Variants in NBAS observed in about 807,000 individuals in gnomAD.
NBAS encodes the protein NAG/BC035112 fusion.
A neutral mutation model predicts 302.5 loss-of-function variants in NBAS; 219 were observed. That is an observed-to-expected ratio of 0.72 (90% CI 0.65 to 0.81). The LOEUF (loss-of-function observed/expected upper bound fraction) is 0.81. Ranked by LOEUF, NBAS falls within the 30% of genes least tolerant of loss-of-function variation. The pLI, the probability that NBAS is intolerant of heterozygous loss-of-function variation, is 0.00. For synonymous variants in NBAS, 1,118 were observed against 1,021.6 expected (o/e 1.09, Z -1.80); for missense variants, 2,932 against 2,841.6 (o/e 1.03, Z -0.72).
the NBAS span, among the ~76,000 whole-genome samples, chr2:14,905,818 T>C: frequency 0.34 from 51,715 of 152,034 alleles, 10,247 homozygotes; most frequent in African/African-American, 0.56. Context: ...CTTCATTATG[T>C]AAATCCCATC....
chr2:15,410,279 A>G (rs1676620248), intron 25 of NBAS, among the ~76,000 whole-genome samples: 1 of 152,196 alleles, frequency 6.6e-6, no homozygotes, highest in Non-Finnish European at 1.5e-5. Flanking sequence ...AAGTTTGTGA[A>G]TTCTATCATC....
At chr2:15,082,732 T>A in the NBAS span, among the ~76,000 whole-genome samples, 1 of 152,146 alleles carries the variant, frequency 6.6e-6, no homozygotes, top group Non-Finnish European at 1.5e-5. Context: ...GCTACAAAGA[T>A]CATAAGAACT....
Position 15,415,570 on chromosome 2 carries a change from C to T in NBAS, c.2913G>A (p.Lys971=), listed in dbSNP as rs1676887759. The part of the protein sequence containing the change: ...LAKGDLKFPL[K]IFQHSKPDLQ... ...CATCTGGTTTGGAATGCTGAAATATCTTCAGGGGAAATTTTAAGTCCCCTT... is the reference window on the plus strand; with the variant it reads ...CATCTGGTTTGGAATGCTGAAATATTTTCAGGGGAAATTTTAAGTCCCCTT... The change falls in exon 25 of 52, where the codon AAG becomes AAA. Residue 971 remains lysine, a synonymous_variant. Transcript: ENST00000281513. 3 of 1,614,096 alleles carry T rather than the reference C, an allele frequency of 1.9e-6. No individual in the cohort carries two copies. Among genetic ancestry groups the T allele is most frequent in the Non-Finnish European group, 2.5e-6 (3 of 1,179,990 alleles).
chr2:14,949,883 G>T, the NBAS span, among the ~76,000 whole-genome samples: 3 of 152,168 alleles, frequency 2.0e-5, no homozygotes, highest in Non-Finnish European at 4.4e-5. Flanking sequence ...GGCTACCAGA[G>T]TCTTGGAAGG....
intron 44 of NBAS, among the ~76,000 whole-genome samples, chr2:15,245,178 G>T (rs1479278542): frequency 1.3e-5 from 2 of 152,034 alleles, no homozygotes; most frequent in Non-Finnish European, 2.9e-5. Flanking sequence ...AACTCACTAA[G>T]AATAAAAGCC....
At chr2:15,495,540 T>A (rs10189403) in intron 11 of NBAS, among the ~76,000 whole-genome samples, 93,873 of 151,798 alleles carry the variant, frequency 0.62, 29,899 homozygotes, top group Non-Finnish European at 0.68. Context: ...TAGTTTTTTT[T>A]AAAAAGCCAT....
chr2:15,469,911 C>T (rs887361870), intron 16 of NBAS, among the ~76,000 whole-genome samples: 26 of 151,830 alleles, frequency 1.7e-4, no homozygotes, highest in African/African-American at 4.1e-4. Context: ...GGGTGCAGCA[C>T]ACCACCATGG....
chr2:14,908,296 G>T, the NBAS span, among the ~76,000 whole-genome samples: 79,493 of 151,980 alleles, frequency 0.52, 21,187 homozygotes, highest in African/African-American at 0.58. Flanking sequence ...CCGGGAGGCG[G>T]AGCTTGCAGT....
In NBAS at chr2:15,275,614, T is replaced by G. The variant is rs1232019723; in HGVS notation, c.5594A>C (p.Gln1865Pro). 6.2e-7 allele frequency: 1 copy of G among 1,614,162 alleles called. No individual in the cohort carries two copies. Among genetic ancestry groups the G allele is most frequent in the Admixed American group, 1.7e-5 (1 of 60,018 alleles). The part of the protein sequence containing the change: ...FWTGDPHLIK[Q>P]VPGSSPEWLH... ...CCACTCCGGTGAAGAGCCTGGGACT[T>G]GTTTAATGAGATGAGGGTCTCCAGT... Residue 1865 changes from glutamine to proline, a missense_variant, in exon 44 of 52, where the codon CAA (glutamine) becomes CCA (proline). By Grantham distance (76) the Gln-to-Pro change is moderately conservative. Transcript: ENST00000281513.
At chr2:15,468,203 T>G (rs1679807723) in intron 17 of NBAS, among the ~76,000 whole-genome samples, 179 bp downstream of exon 17, 1 of 152,200 alleles carries the variant, frequency 6.6e-6, no homozygotes, top group Admixed American at 6.5e-5. Context: ...TATTTATATT[T>G]TTTAAAAAGT....
chr2:15,383,800 G>GACT (rs1205271963), intron 28 of NBAS, among the ~76,000 whole-genome samples: 4 of 152,162 alleles, frequency 2.6e-5, no homozygotes, highest in Non-Finnish European at 1.5e-5. Context: ...TTTGCCATCA[G>GACT]TCTGGGGGAC....
At chr2:15,012,862 A>AT in the NBAS span, among the ~76,000 whole-genome samples, 2,873 of 147,416 alleles carry the variant, frequency 0.019, 27 homozygotes, top group Non-Finnish European at 0.024. Context: ...AAACTATGGA[A>AT]TTTTTTTTTT....
chr2:14,956,237 T>A, the NBAS span, among the ~76,000 whole-genome samples: 3 of 152,234 alleles, frequency 2.0e-5, no homozygotes, highest in Non-Finnish European at 4.4e-5. Flanking sequence ...GACTTCATTG[T>A]CCACATCACT....
At chr2:15,048,617 C>T in the NBAS span, among the ~76,000 whole-genome samples, 322 of 152,296 alleles carry the variant, frequency 2.1e-3, 1 homozygote, top group African/African-American at 7.4e-3. Flanking sequence ...GGCTCAATAA[C>T]CAGAGACCAC....
In NBAS at chr2:15,405,679, G is replaced by A. The variant is rs935539509; in HGVS notation, c.2938-3378C>T. Among the ~76,000 whole-genome samples, 7 of 152,080 alleles carry A rather than the reference G, an allele frequency of 4.6e-5. No homozygotes were observed. In the South Asian group the frequency reaches 1.0e-3, roughly 23 times the overall value. ...CTATATACAACTAGAAAAGAACACA[G>A]ATGATAAGATAGGATACCTGGAATA... On this transcript the variant is annotated intron_variant, in intron 25 of 51. Coordinates refer to ENST00000281513, the MANE Select transcript of NBAS (RefSeq NM_015909.4).
At chr2:15,312,443 C>T (rs1285018738) in intron 38 of NBAS, among the ~76,000 whole-genome samples, 1 of 152,020 alleles carries the variant, frequency 6.6e-6, no homozygotes, top group Non-Finnish European at 1.5e-5. Context: ...CAGACTATTG[C>T]TTTAAAATTT....
chr2:14,895,698 C>A, the NBAS span, among the ~76,000 whole-genome samples: 271 of 150,756 alleles, frequency 1.8e-3, 1 homozygote, highest in Middle Eastern at 0.014. Context: ...TGAGATCGCG[C>A]CACCGCACTC....
At chr2:14,995,100 T>G in the NBAS span, among the ~76,000 whole-genome samples, 1 of 152,196 alleles carries the variant, frequency 6.6e-6, no homozygotes, top group Non-Finnish European at 1.5e-5. Context: ...AGGGTACATG[T>G]GCACAACGTG....
At chr2:15,062,558 G>C in the NBAS span, among the ~76,000 whole-genome samples, 536 of 152,152 alleles carry the variant, frequency 3.5e-3, 10 homozygotes, top group African/African-American at 0.011. Flanking sequence ...TCTTCTAAAG[G>C]GCATGCAATC....
Sources: allele counts gnomAD v4.1 joint callset (sites outside exome capture counted in the v4.1 genomes callset), GRCh38; gene constraint gnomAD v4.1.1; transcripts MANE v1.5; gene names NCBI Gene and HGNC (gene_info 2026-07-23, HGNC 2026-07-21).